Variants in SGCE observed in about 807,000 individuals in gnomAD.
SGCE encodes epsilon-sarcoglycan.
A neutral mutation model predicts 57.8 loss-of-function variants in SGCE; 26 were observed. That is an observed-to-expected ratio of 0.45 (90% confidence interval 0.33 to 0.62). The LOEUF is 0.62. Among genes scored for constraint, SGCE ranks in the 20% least tolerant of loss-of-function variants. SGCE has a pLI of 0.02. For missense variants in SGCE, 468 were observed against 548.6 expected (o/e 0.85, Z 1.47); for synonymous variants, 183 against 189.5 (o/e 0.97, Z 0.28).
chr7:94,635,650 ATTTTT>A (rs893833023), intron 1 of SGCE, among the ~76,000 whole-genome samples: 4 of 152,146 alleles, frequency 2.6e-5, no homozygotes, highest in African/African-American at 9.7e-5. Context: ...TTTCTAATTT[ATTTTT>A]TTAACATGTT....
intron 1 of SGCE, among the ~76,000 whole-genome samples, chr7:94,646,039 C>T (rs1807022167): frequency 1.3e-5 from 2 of 152,056 alleles, no homozygotes; most frequent in Admixed American, 6.5e-5. Flanking sequence ...TCAGAAGAGG[C>T]GACAGCCATA....
rs781326840 is a variant in SGCE at position 94,603,316 on chromosome 7, A to T, written c.799T>A (p.Tyr267Asn). The change falls in exon 6 of 11, where the codon TAC becomes AAC. Residue 267 changes from tyrosine to asparagine, a missense_variant. By Grantham distance (143) the Tyr-to-Asn change is moderately radical (BLOSUM62 -2). Transcript: ENST00000648936. Reference protein sequence around the residue: ...TCDKKFRTQFYIDWCKISLVD... With the variant: ...TCDKKFRTQFNIDWCKISLVD... ...AATGAAATTTTGCACCAGTCAATGTAAAATTGAGTACGAAATTTTTTATCA... is the reference window on the plus strand; with the variant it reads ...AATGAAATTTTGCACCAGTCAATGTTAAATTGAGTACGAAATTTTTTATCA... The T allele has an allele frequency of 4.7e-5, 75 of 1,612,412 alleles. No homozygotes were observed. Among genetic ancestry groups the T allele is most frequent in the Non-Finnish European group, 5.9e-5 (70 of 1,178,968 alleles).
chr7:94,649,987 A>T (rs1807659360), intron 1 of SGCE, among the ~76,000 whole-genome samples: 1 of 152,166 alleles, frequency 6.6e-6, no homozygotes, highest in African/African-American at 2.4e-5. Flanking sequence ...ATAATCCACA[A>T]ATTCATTTTA....
At chr7:94,640,891 G>A (rs113031906) in intron 1 of SGCE, 2,063 of 152,238 alleles carry the variant, frequency 0.014, 36 homozygotes, top group African/African-American at 0.031. Context: ...CAGGTGATCC[G>A]CCTACCTCGG....
chr7:94,616,106 TA>T (rs769515771), intron 5 of SGCE, among the ~76,000 whole-genome samples: 5 of 151,826 alleles, frequency 3.3e-5, no homozygotes, highest in African/African-American at 9.7e-5. Context: ...CTGCAGAGAT[TA>T]AAAAAAATGC....
At chr7:94,644,116 A>G (rs1217930230) in intron 1 of SGCE, among the ~76,000 whole-genome samples, 1 of 152,246 alleles carries the variant, frequency 6.6e-6, no homozygotes, top group East Asian at 1.9e-4. Context: ...AAAACAAAAC[A>G]TCATATGCAT....
At chr7:94,589,644 T>C (rs1797388995) in intron 9 of SGCE, 4 of 152,504 alleles carry the variant, frequency 2.6e-5, no homozygotes, top group Non-Finnish European at 5.9e-5. Context: ...GCGGCAGCAG[T>C]AGACGGTCAT....
chr7:94,601,476 A>AAAAAAAAT (rs1288229007), intron 6 of SGCE, among the ~76,000 whole-genome samples: 1 of 134,948 alleles, frequency 7.4e-6, no homozygotes, highest in African/African-American at 2.7e-5. Flanking sequence ...AAAAAAAAAA[A>AAAAAAAAT]CTACAACAGT....
At chr7:94,607,242 C>T (rs1800291826) in intron 5 of SGCE, among the ~76,000 whole-genome samples, 1 of 152,088 alleles carries the variant, frequency 6.6e-6, no homozygotes, top group Non-Finnish European at 1.5e-5. Context: ...ATTATGCCAA[C>T]TCTCTACAAT....
intron 9 of SGCE, 30 bp from the exon 10 acceptor site, chr7:94,588,762 C>T: frequency 6.2e-7 from 1 of 1,613,194 alleles, no homozygotes; most frequent in Non-Finnish European, 8.5e-7. Flanking sequence ...TTGAGTAAAA[C>T]TGTTTGTTTA....
At position 94,618,896 on chromosome 7, in the gene SGCE, A is replaced by G; in HGVS notation, c.524T>C (p.Leu175Ser). 6.2e-7 allele frequency: 1 copy of G among 1,614,054 alleles called. No individual in the cohort carries two copies. The highest frequency in any genetic ancestry group is 1.3e-5 in the African/African-American group (1 of 75,050). ...AAAGTCTCCAAGAACCTCACTGGCCAACATTTCTTCTACATTCATATTCTT... is the reference window on the plus strand; with the variant it reads ...AAAGTCTCCAAGAACCTCACTGGCCGACATTTCTTCTACATTCATATTCTT... The part of the protein sequence containing the change: ...FIKNMNVEEM[L>S]ASEVLGDFLG... Residue 175 changes from leucine (L) to serine (S), a missense_variant, in exon 5 of 11, where the codon TTG (leucine) becomes TCG (serine). Coordinates refer to ENST00000648936, the MANE Select transcript of SGCE (RefSeq NM_003919.3).
intron 1 of SGCE, among the ~76,000 whole-genome samples, chr7:94,642,374 T>C (rs1421472207): frequency 6.6e-6 from 1 of 152,120 alleles, no homozygotes; most frequent in Non-Finnish European, 1.5e-5. Flanking sequence ...TGTGGCAAAA[T>C]ACTCCACCCC....
chr7:94,639,026 C>T (rs1806005730), intron 1 of SGCE, among the ~76,000 whole-genome samples: 1 of 152,026 alleles, frequency 6.6e-6, no homozygotes, highest in Admixed American at 6.6e-5. Flanking sequence ...ATAGTAACCA[C>T]AGTAGGACAA....
At chr7:94,630,553 A>C (rs1462672272) in intron 1 of SGCE, among the ~76,000 whole-genome samples, 1 of 151,950 alleles carries the variant, frequency 6.6e-6, no homozygotes, top group Non-Finnish European at 1.5e-5. Context: ...TTTAAGTGAA[A>C]TAAGCAAATT....
At chr7:94,652,062 A>C (rs530175401) in intron 1 of SGCE, among the ~76,000 whole-genome samples, 2 of 152,146 alleles carry the variant, frequency 1.3e-5, no homozygotes, top group South Asian at 2.1e-4. Flanking sequence ...GCGTTAGTCT[A>C]TGTATGCTCC....
intron 1 of SGCE, among the ~76,000 whole-genome samples, chr7:94,653,695 A>AT (rs1365145919): frequency 6.6e-6 from 1 of 151,990 alleles, no homozygotes; most frequent in Non-Finnish European, 1.5e-5. Flanking sequence ...AATTACTTAT[A>AT]TATTGATGCT....
chr7:94,603,466 A>C lies in SGCE; in HGVS notation c.663-14T>G. 6.2e-7 allele frequency: 1 copy of C among 1,611,552 alleles called. No individual in the cohort carries two copies. The highest frequency in any genetic ancestry group is 8.5e-7 in the Non-Finnish European group (1 of 1,178,084). On this transcript the variant is annotated splice_polypyrimidine_tract_variant and intron_variant, in intron 5 of 10. Transcript: ENST00000648936. ...ATGACATAAACGCTGTAAAAATGTGAAACTCTCAGGTTATCCTTTAAGAAA... is the reference window on the plus strand; with the variant it reads ...ATGACATAAACGCTGTAAAAATGTGCAACTCTCAGGTTATCCTTTAAGAAA...
At chr7:94,619,152 A>G (rs1236658125) in intron 4 of SGCE, 196 bp from the exon 5 acceptor site, 1 of 574,618 alleles carries the variant, frequency 1.7e-6, no homozygotes, top group Non-Finnish European at 3.1e-6. Context: ...ACAGAACTTT[A>G]TCTACAATAT....
At chr7:94,650,339 C>T (rs551826630) in intron 1 of SGCE, among the ~76,000 whole-genome samples, 6 of 152,262 alleles carry the variant, frequency 3.9e-5, no homozygotes, top group South Asian at 4.1e-4. Context: ...TAGGTACCCT[C>T]GGCATCCACG....
Sources: gnomAD v4.1 joint callset for allele counts (sites outside exome capture counted in the v4.1 genomes callset) on GRCh38, gnomAD v4.1.1 for gene constraint, MANE v1.5 for transcripts, NCBI Gene and HGNC (gene_info 2026-07-23, HGNC 2026-07-21) for gene names.